THADA: variants seen among roughly 807,000 people sequenced by gnomAD.
THADA encodes the protein THADA armadillo repeat containing.
In THADA, 213 loss-of-function variants were observed where a neutral mutation model predicts 219.8. The observed-to-expected ratio is 0.97, with a 90% confidence interval of 0.87 to 1.09. THADA has a LOEUF of 1.09. Ranked by LOEUF, THADA falls within the 50% of genes least tolerant of loss-of-function variation. THADA has a pLI of 0.00. For missense variants in THADA, 2,956 were observed against 2,311.3 expected (o/e 1.28, Z -5.72); for synonymous variants, 1,018 against 828.9 (o/e 1.23, Z -3.92).
At chr2:43,506,196 A>C (rs957834612) in intron 23 of THADA, among the ~76,000 whole-genome samples, 2 of 152,228 alleles carry the variant, frequency 1.3e-5, no homozygotes, top group Admixed American at 1.3e-4. Context: ...CAGTTAGTTA[A>C]TTCTTCACAA....
chr2:43,343,207 T>C (rs952383096), intron 30 of THADA: 1 of 152,214 alleles, frequency 6.6e-6, no homozygotes, highest in Non-Finnish European at 1.5e-5. Context: ...TTTGTTGTTG[T>C]CGTTGTTTTG....
chr2:43,288,344 G>C (rs13411327), intron 34 of THADA, among the ~76,000 whole-genome samples: 20,755 of 152,266 alleles, frequency 0.14, 1,574 homozygotes, highest in African/African-American at 0.2. Context: ...CTTGAAGCCA[G>C]GGGGCGGAGG....
chr2:43,436,284 A>C (rs1680091632), intron 26 of THADA, among the ~76,000 whole-genome samples: 1 of 152,204 alleles, frequency 6.6e-6, no homozygotes, highest in Non-Finnish European at 1.5e-5. Context: ...ACCTGGGAAG[A>C]GACTATCTCA....
At chr2:43,421,148 T>G (rs1021412928) in intron 28 of THADA, among the ~76,000 whole-genome samples, 25 of 152,208 alleles carry the variant, frequency 1.6e-4, no homozygotes, top group African/African-American at 4.3e-4. Flanking sequence ...GTTTGGCCTA[T>G]AAGCAAAGAA....
At chr2:43,395,948 A>C (rs1032776755) in intron 29 of THADA, among the ~76,000 whole-genome samples, 2 of 152,032 alleles carry the variant, frequency 1.3e-5, no homozygotes, top group African/African-American at 4.8e-5. Flanking sequence ...GTGGAGATGG[A>C]GTTTCGCCAT....
Position 43,232,885 on chromosome 2 carries a change from G to A in THADA, c.5297-3C>T. ...ATCCACCTGGCAGAAGGCAAACTCT[G>A]CAAAGACAGGAGAAAGGTGAGCAAT... is the stretch of plus-strand genomic sequence containing the variant. On this transcript the variant is annotated splice_polypyrimidine_tract_variant and splice_region_variant and intron_variant, in intron 36 of 37. Coordinates refer to ENST00000405975, the MANE Select transcript of THADA (RefSeq NM_022065.5). The A allele has an allele frequency of 6.2e-7, 1 of 1,606,582 alleles. No homozygotes were observed. Among genetic ancestry groups the A allele is most frequent in the Non-Finnish European group, 8.5e-7 (1 of 1,176,906 alleles).
chr2:43,573,857 T>C (rs1699555797), intron 11 of THADA, among the ~76,000 whole-genome samples: 1 of 152,192 alleles, frequency 6.6e-6, no homozygotes, highest in Admixed American at 6.5e-5. Context: ...TGTTTACCCC[T>C]ATTCTAAATA....
chr2:43,456,663 T>A (rs1317248095), intron 26 of THADA, among the ~76,000 whole-genome samples: 1 of 152,122 alleles, frequency 6.6e-6, no homozygotes, highest in African/African-American at 2.4e-5. Context: ...AATGAGATAA[T>A]GCATCAACAA....
At chr2:43,551,959 A>G in intron 18 of THADA, 34 bp from the exon 19 acceptor site, 1 of 1,581,154 alleles carries the variant, frequency 6.3e-7, no homozygotes, top group Non-Finnish European at 8.6e-7. Flanking sequence ...TTTATACTAA[A>G]AGCAAAAATC....
intron 31 of THADA, among the ~76,000 whole-genome samples, chr2:43,294,228 A>C (rs762070809): frequency 2.0e-5 from 3 of 152,200 alleles, no homozygotes; most frequent in Non-Finnish European, 4.4e-5. Context: ...AAAACCAAAA[A>C]CTTATTGCCT....
chr2:43,350,502 A>G (rs947177227), intron 29 of THADA, among the ~76,000 whole-genome samples: 2 of 152,256 alleles, frequency 1.3e-5, no homozygotes, highest in African/African-American at 2.4e-5. Context: ...CTGAACCCCA[A>G]CTAGGCCGTA....
chr2:43,334,407 C>T (rs553739075), intron 30 of THADA, among the ~76,000 whole-genome samples: 2 of 152,222 alleles, frequency 1.3e-5, no homozygotes, highest in East Asian at 3.9e-4. Flanking sequence ...AGGTCTGGTA[C>T]ATTGAGCAGG....
intron 26 of THADA, among the ~76,000 whole-genome samples, chr2:43,469,748 T>C (rs1368983311): frequency 6.6e-6 from 1 of 152,090 alleles, no homozygotes; most frequent in Admixed American, 6.6e-5. Context: ...GAAAATCAGA[T>C]GGAATGTAAT....
chr2:43,528,111 A>C, intron 21 of THADA, 123 bp from the exon 22 acceptor site: 3 of 454,468 alleles, frequency 6.6e-6, no homozygotes, highest in Non-Finnish European at 1.2e-5. Context: ...ACCATATGAC[A>C]GAACATGTTT....
chr2:43,353,164 G>T (rs1229025308), intron 29 of THADA, among the ~76,000 whole-genome samples: 1 of 152,066 alleles, frequency 6.6e-6, no homozygotes, highest in Non-Finnish European at 1.5e-5. Context: ...GGATACCCAG[G>T]TTATTTCACT....
intron 29 of THADA, among the ~76,000 whole-genome samples, chr2:43,393,707 TA>T (rs34360060): frequency 0.24 from 31,483 of 132,648 alleles, 3,387 homozygotes; most frequent in South Asian, 0.33. Flanking sequence ...GACTCCGTCT[TA>T]AAAAAAAAAA....
At chr2:43,471,911 T>G (rs1438116262) in intron 26 of THADA, among the ~76,000 whole-genome samples, 1 of 152,230 alleles carries the variant, frequency 6.6e-6, no homozygotes, top group African/African-American at 2.4e-5. Flanking sequence ...TGGCATACAG[T>G]TGATCCTTAA....
At chr2:43,274,591 C>T (rs1229018955) in intron 36 of THADA, among the ~76,000 whole-genome samples, 1 of 152,162 alleles carries the variant, frequency 6.6e-6, no homozygotes. Flanking sequence ...CCAAATGCTG[C>T]AGCGGCTCAG....
chr2:43,529,621 C>A lies in THADA; in HGVS notation c.3265-1633G>T, dbSNP rs77786238. Reference sequence around the variant, plus strand: ...GCTTTTATACCATTAGATTTAGTAACTATTGTCTTTTAAAAATCAAGATTT... The same window carrying A: ...GCTTTTATACCATTAGATTTAGTAAATATTGTCTTTTAAAAATCAAGATTT... On this transcript the variant is annotated intron_variant, in intron 21 of 37. Transcript: ENST00000405975. 3.7e-3 allele frequency among the ~76,000 whole-genome samples: 556 copies of A among 152,288 alleles called. 9 individuals carry two copies. The highest frequency in any genetic ancestry group is 0.024 in the East Asian group (127 of 5,186).
Sources: gnomAD v4.1 joint callset for allele counts (sites outside exome capture counted in the v4.1 genomes callset) on GRCh38, gnomAD v4.1.1 for gene constraint, MANE v1.5 for transcripts, NCBI Gene and HGNC (gene_info 2026-07-23, HGNC 2026-07-21) for gene names.